PDZD2: variants seen among roughly 807,000 people sequenced by gnomAD.
The protein encoded by PDZD2 is PDZ domain-containing protein 2.
A neutral mutation model predicts 220.7 loss-of-function variants in PDZD2; 90 were observed. The observed-to-expected ratio is 0.41, with a 90% confidence interval of 0.34 to 0.49. PDZD2 has a LOEUF of 0.49. Ranked by LOEUF, PDZD2 falls within the 20% of genes least tolerant of loss-of-function variation. The pLI, the probability that PDZD2 is intolerant of heterozygous loss-of-function variation, is 0.28. For missense variants in PDZD2, 3,174 were observed against 3,608.5 expected, an observed-to-expected ratio of 0.88 and a Z score of 3.08; for synonymous variants, 1,375 against 1,450.5, an observed-to-expected ratio of 0.95 and a Z score of 1.18.
At chr5:32,064,399 G>A (rs950209075) in intron 14 of PDZD2, among the ~76,000 whole-genome samples, 2 of 151,638 alleles carry the variant, frequency 1.3e-5, no homozygotes, top group African/African-American at 2.4e-5. Flanking sequence ...GCGCTGCCAC[G>A]CTCAACTAAT....
chr5:31,859,053 G>C (rs1737419539), intron 2 of PDZD2, among the ~76,000 whole-genome samples: 1 of 151,976 alleles, frequency 6.6e-6, no homozygotes, highest in African/African-American at 2.4e-5. Flanking sequence ...GCTTCACCTA[G>C]ACCTGCCAAG....
intron 2 of PDZD2, among the ~76,000 whole-genome samples, chr5:31,916,816 G>T (rs1490461428): frequency 1.3e-5 from 2 of 152,198 alleles, no homozygotes; most frequent in African/African-American, 4.8e-5. Context: ...AAGGGAGGGG[G>T]CTTACAGGCT....
rs956327623 is a variant in PDZD2, at chr5:32,029,342, A to G, written c.1408-7889A>G. Among the ~76,000 whole-genome samples, 114 of 151,290 alleles carry G rather than the reference A, an allele frequency of 7.5e-4. 1 individual carries two copies. The highest frequency in any genetic ancestry group is 2.6e-3 in the African/African-American group (107 of 41,308). On this transcript the variant is annotated intron_variant, in intron 6 of 24. Transcript: ENST00000438447. ...TATCAAGAACTGTAAAAAAAAAAAA[A>G]AAAAAAAAAAAGCTTTTCCACTATA...
chr5:32,056,536 A>C (rs1171242593), intron 10 of PDZD2, among the ~76,000 whole-genome samples: 1 of 152,214 alleles, frequency 6.6e-6, no homozygotes, highest in Non-Finnish European at 1.5e-5. Flanking sequence ...CAAGAGTGCA[A>C]ACCAGAAACG....
chr5:31,869,931 G>C (rs1450054014), intron 2 of PDZD2, among the ~76,000 whole-genome samples: 1 of 152,100 alleles, frequency 6.6e-6, no homozygotes, highest in East Asian at 1.9e-4. Context: ...CTGCTCAGGA[G>C]CCTCTCCGGC....
At chr5:31,764,531 C>A (rs185440556) in intron 1 of PDZD2, among the ~76,000 whole-genome samples, 1 of 152,280 alleles carries the variant, frequency 6.6e-6, no homozygotes, top group African/African-American at 2.4e-5. Context: ...ACAAAACTTT[C>A]TTCATCTTCT....
intron 2 of PDZD2, among the ~76,000 whole-genome samples, chr5:31,885,114 G>GGAGT (rs1316369251): frequency 2.7e-5 from 4 of 150,898 alleles, no homozygotes; most frequent in African/African-American, 9.8e-5. Context: ...AAAAACGGGT[G>GGAGT]GAGTGTATGA....
rs141427696 is a variant in PDZD2, at chr5:32,090,206, T to C, written c.6758T>C (p.Val2253Ala). ...CGCTCTCGGGACAGCCAGGTCCCTGTGACAAGCAGTGTTGTCCCCGAGGCA... is the reference window on the plus strand; with the variant it reads ...CGCTCTCGGGACAGCCAGGTCCCTGCGACAAGCAGTGTTGTCCCCGAGGCA... ...LGRSRDSQVP[V>A]TSSVVPEAKA... The change falls in exon 20 of 25, where the codon GTG (valine) becomes GCG (alanine). Residue 2253 changes from valine (V) to alanine (A), a missense_variant. This residue lies in a region of PDZD2 where 631 missense variants were observed against 789.9 expected (regional missense o/e 0.80). Coordinates refer to ENST00000438447, the MANE Select transcript of PDZD2 (RefSeq NM_178140.4). The surrounding 1 kb of genome is among the most constrained non-coding windows in gnomAD (Gnocchi z 4.3). The C allele has an allele frequency of 3.4e-4, 548 of 1,614,116 alleles. 3 individuals are homozygous for C. The East Asian group carries it at 0.011, about 33-fold the overall frequency.
chr5:31,781,063 T>A (rs1171934612), intron 1 of PDZD2, among the ~76,000 whole-genome samples: 2 of 152,206 alleles, frequency 1.3e-5, no homozygotes, highest in African/African-American at 4.8e-5. Flanking sequence ...AGTTAGGCCC[T>A]TCTTTAAAGC....
At chr5:31,851,386 T>C (rs973479433) in intron 2 of PDZD2, among the ~76,000 whole-genome samples, 4 of 152,220 alleles carry the variant, frequency 2.6e-5, no homozygotes, top group Admixed American at 6.5e-5. Flanking sequence ...CAGATTCCTA[T>C]TAAATGCATG....
chr5:31,948,217 G>A (rs1746826098), intron 2 of PDZD2, among the ~76,000 whole-genome samples: 1 of 152,132 alleles, frequency 6.6e-6, no homozygotes, highest in Admixed American at 6.5e-5. Flanking sequence ...TTCCAGCTAT[G>A]CTCCAGAGTT....
intron 2 of PDZD2, among the ~76,000 whole-genome samples, chr5:31,827,074 A>T (rs1268543369): frequency 6.6e-6 from 1 of 152,190 alleles, no homozygotes; most frequent in Non-Finnish European, 1.5e-5. Context: ...TGTAAGTGGC[A>T]TCCTGGCCAG....
intron 2 of PDZD2, among the ~76,000 whole-genome samples, chr5:31,864,260 C>T (rs1327062926): frequency 6.6e-6 from 1 of 152,196 alleles, no homozygotes. Flanking sequence ...TTCCCATGCT[C>T]TTCAGACCTA....
At chr5:32,044,495 T>C (rs908060255) in intron 7 of PDZD2, among the ~76,000 whole-genome samples, 3 of 152,012 alleles carry the variant, frequency 2.0e-5, no homozygotes, top group Admixed American at 6.6e-5. Context: ...GCTGGGGGAA[T>C]TTGGTAGACT....
chr5:32,108,061 G>A lies in PDZD2; in HGVS notation c.8446G>A (p.Ala2816Thr). ...TCTGGTTGGGCTCATGCACTTTGAT[G>A]CCTGGAATATTATGAAGTCTGTCCC... ...KPLVGLMHFD[A>T]WNIMKSVPEG... Residue 2816 changes from alanine to threonine, a missense_variant, in exon 25 of 25, where the codon GCC becomes ACC. Ala to Thr is a moderately conservative substitution (Grantham distance 58). Coordinates refer to ENST00000438447, the MANE Select transcript of PDZD2 (RefSeq NM_178140.4). 1 of 1,610,500 alleles carries A rather than the reference G, an allele frequency of 6.2e-7. No homozygotes were observed. Among genetic ancestry groups the A allele is most frequent in the Non-Finnish European group, 8.5e-7 (1 of 1,176,736 alleles).
At chr5:31,832,996 C>T (rs114204544) in intron 2 of PDZD2, among the ~76,000 whole-genome samples, 96 of 152,192 alleles carry the variant, frequency 6.3e-4, no homozygotes, top group African/African-American at 2.3e-3. Context: ...CATGAGCAGG[C>T]CTGACCAACC....
intron 1 of PDZD2, among the ~76,000 whole-genome samples, chr5:31,764,018 T>G (rs1751830176): frequency 6.6e-6 from 1 of 152,144 alleles, no homozygotes; most frequent in African/African-American, 2.4e-5. Context: ...GTGGAATTCC[T>G]CTGGAAGACA....
At chr5:31,935,494 T>C (rs948993861) in intron 2 of PDZD2, among the ~76,000 whole-genome samples, 7 of 152,254 alleles carry the variant, frequency 4.6e-5, no homozygotes, top group African/African-American at 1.7e-4. Context: ...GTTTTGCTAG[T>C]ACTTGTCTAC....
chr5:32,071,883 G>T (rs1452675045), intron 16 of PDZD2, among the ~76,000 whole-genome samples: 8 of 152,158 alleles, frequency 5.3e-5, no homozygotes, highest in Admixed American at 3.9e-4. Context: ...TTCCTGGGAT[G>T]GCTGATGTGT....
Sources: allele counts gnomAD v4.1 joint callset (sites outside exome capture counted in the v4.1 genomes callset), GRCh38; gene constraint gnomAD v4.1.1; regional missense constraint gnomAD v4.1.1; non-coding constraint Gnocchi (gnomAD v3.1); transcripts MANE v1.5; gene names NCBI Gene and HGNC (gene_info 2026-07-23, HGNC 2026-07-21).